Variants in UNC79 observed in about 807,000 individuals in gnomAD.
UNC79 encodes the protein protein unc-79 homolog.
A neutral mutation model predicts 283.1 loss-of-function variants in UNC79; 37 were observed. The observed-to-expected ratio is 0.13, with a 90% confidence interval of 0.10 to 0.17. UNC79 has a LOEUF of 0.17. Ranked by LOEUF, UNC79 falls within the 10% of genes least tolerant of loss-of-function variation. The pLI is 1.00. For synonymous variants in UNC79, 1,107 were observed against 1,200.2 expected (o/e 0.92, Z 1.61); for missense variants, 2,272 against 3,211.1 (o/e 0.71, Z 7.07).
chr14:93,495,688 T>A (rs1162091145), intron 5 of UNC79, among the ~76,000 whole-genome samples: 1 of 152,180 alleles, frequency 6.6e-6, no homozygotes, highest in African/African-American at 2.4e-5. Context: ...CTGGAAAATG[T>A]CCATTGGATT....
At chr14:93,462,332 A>G (rs547700434) in intron 1 of UNC79, among the ~76,000 whole-genome samples, 19 of 152,092 alleles carry the variant, frequency 1.2e-4, no homozygotes, top group Non-Finnish European at 2.6e-4. Flanking sequence ...CAAAACACAC[A>G]CACAACAGTG....
chr14:93,452,171 T>C (rs1387968890), intron 1 of UNC79, among the ~76,000 whole-genome samples: 1 of 152,188 alleles, frequency 6.6e-6, no homozygotes, highest in Admixed American at 6.5e-5. Flanking sequence ...TTAGTCTGTA[T>C]TTGAGTCTCT....
intron 4 of UNC79, among the ~76,000 whole-genome samples, chr14:93,485,623 G>A (rs890408956): frequency 2.0e-5 from 3 of 152,078 alleles, no homozygotes; most frequent in Non-Finnish European, 4.4e-5. Context: ...CTTCTTTCTT[G>A]ATTAATCACA....
At chr14:93,451,895 C>A (rs2056655523) in intron 1 of UNC79, among the ~76,000 whole-genome samples, 2 of 152,224 alleles carry the variant, frequency 1.3e-5, no homozygotes, top group Admixed American at 6.5e-5. Flanking sequence ...AGCTTTCAAG[C>A]TTCCAAAAAT....
intron 14 of UNC79, among the ~76,000 whole-genome samples, chr14:93,559,690 C>T (rs1012485564): frequency 3.3e-5 from 5 of 152,072 alleles, no homozygotes; most frequent in Admixed American, 1.3e-4. Flanking sequence ...TGGCCATTTT[C>T]ACTTCTTTTG....
rs554763487 is a variant in UNC79 at position 93,462,260 on chromosome 14, C to T, written c.23-5411C>T. Among the ~76,000 whole-genome samples, 50 of 152,260 alleles carry T rather than the reference C, an allele frequency of 3.3e-4. 2 individuals carry two copies. In the South Asian group the frequency reaches 0.01, roughly 32 times the overall value. On this transcript the variant is annotated intron_variant, in intron 1 of 48. Coordinates refer to ENST00000555664, the Ensembl canonical transcript of UNC79. Reference sequence around the variant, plus strand: ...GGTGGAGGTTGCAGTGAGCGGAGATCGGGCCACTGCATCCCAGGCTGGGTG... The same window carrying T: ...GGTGGAGGTTGCAGTGAGCGGAGATTGGGCCACTGCATCCCAGGCTGGGTG...
chr14:93,395,693 GT>G (rs1184192163), intron 1 of UNC79, among the ~76,000 whole-genome samples: 1 of 151,922 alleles, frequency 6.6e-6, no homozygotes, highest in African/African-American at 2.4e-5. Context: ...TTTGTTTTTT[GT>G]TTTTTTCCTC....
At chr14:93,588,740 C>CAAA (rs397745981) in intron 22 of UNC79, among the ~76,000 whole-genome samples, 438 of 17,752 alleles carry the variant, frequency 0.025, 11 homozygotes, top group Non-Finnish European at 0.054. Context: ...GACTCCGTCT[C>CAAA]AAAAAAAAAA....
chr14:93,558,218 C>T (rs186903583), intron 14 of UNC79, among the ~76,000 whole-genome samples: 3 of 152,246 alleles, frequency 2.0e-5, no homozygotes, highest in South Asian at 2.1e-4. Context: ...ACAGCAGATT[C>T]GCTACAACCT....
chr14:93,443,709 C>T (rs1367995884), intron 1 of UNC79, among the ~76,000 whole-genome samples: 1 of 152,174 alleles, frequency 6.6e-6, no homozygotes, highest in Non-Finnish European at 1.5e-5. Context: ...AGGCATGAGC[C>T]ACGGCACCTG....
At chr14:93,650,478 G>A (rs2070127147) in intron 35 of UNC79, among the ~76,000 whole-genome samples, 1 of 152,020 alleles carries the variant, frequency 6.6e-6, no homozygotes, top group Non-Finnish European at 1.5e-5. Context: ...GGCATTGTTG[G>A]TCTTTTTAAT....
intron 20 of UNC79, among the ~76,000 whole-genome samples, chr14:93,582,760 G>C (rs1384052581): frequency 6.6e-6 from 1 of 152,122 alleles, no homozygotes; most frequent in Non-Finnish European, 1.5e-5. Context: ...GCTCTTAGCT[G>C]GGACTGGGGA....
At chr14:93,404,168 A>G (rs1462269278) in intron 1 of UNC79, among the ~76,000 whole-genome samples, 1 of 151,992 alleles carries the variant, frequency 6.6e-6, no homozygotes, top group East Asian at 1.9e-4. Flanking sequence ...TTAAAGGCAA[A>G]CTGAAACTCT....
chr14:93,452,333 T>C (rs1331109759), intron 1 of UNC79, among the ~76,000 whole-genome samples: 1 of 152,030 alleles, frequency 6.6e-6, no homozygotes, highest in African/African-American at 2.4e-5. Context: ...CAATGAACAT[T>C]TACTGAATGT....
At chr14:93,637,564 C>T (rs976810897) in intron 32 of UNC79, among the ~76,000 whole-genome samples, 5 of 152,222 alleles carry the variant, frequency 3.3e-5, no homozygotes, top group African/African-American at 7.2e-5. Flanking sequence ...AAGCCATTCT[C>T]CTGCCCCAGC....
At chr14:93,689,209 CAG>C (rs2074486750) in intron 44 of UNC79, 1 of 212,058 alleles carries the variant, frequency 4.7e-6, no homozygotes, top group African/African-American at 2.3e-5. Flanking sequence ...AAAGCTATAA[CAG>C]GGATGAAATC....
At chr14:93,537,316 C>T (rs544082141) in intron 11 of UNC79, among the ~76,000 whole-genome samples, 25 of 152,314 alleles carry the variant, frequency 1.6e-4, no homozygotes, top group African/African-American at 5.5e-4. Flanking sequence ...ACTTCATTTG[C>T]GGTTCCCTTC....
At chr14:93,499,751 G>A (rs551461747) in intron 7 of UNC79, among the ~76,000 whole-genome samples, 2 of 152,160 alleles carry the variant, frequency 1.3e-5, no homozygotes, top group African/African-American at 4.8e-5. Context: ...CACAGAAAGG[G>A]TCTCTAACCT....
At chr14:93,673,556 C>A in intron 41 of UNC79, 101 bp downstream of exon 44, 1 of 886,868 alleles carries the variant, frequency 1.1e-6, no homozygotes, top group Non-Finnish European at 1.7e-6. Flanking sequence ...AATATCTTTG[C>A]TTAGAGATGA....
Sources: allele counts gnomAD v4.1 joint callset (sites outside exome capture counted in the v4.1 genomes callset), GRCh38; gene constraint gnomAD v4.1.1; transcripts MANE v1.5; gene names NCBI Gene and HGNC (gene_info 2026-07-23, HGNC 2026-07-21).